Variants in RWDD4 observed in about 807,000 individuals in gnomAD.
RWDD4 encodes RWD domain containing 4.
Under a neutral mutation model 30.0 loss-of-function variants are expected in RWDD4, and 16 were observed. The ratio of observed to expected loss-of-function variants is 0.53; its 90% CI spans 0.36 to 0.81. The LOEUF (loss-of-function observed/expected upper bound fraction) is 0.81. Among genes scored for constraint, RWDD4 ranks in the 30% least tolerant of loss-of-function variants. The probability of loss-of-function intolerance (pLI) is 0.00; values close to 1 mark genes in which losing one functional copy is unlikely to be tolerated. For synonymous variants in RWDD4, 45 were observed against 72.1 expected (o/e 0.62, Z 1.90); for missense variants, 170 against 223.9 (o/e 0.76, Z 1.54).
intron 7 of RWDD4, among the ~76,000 whole-genome samples, chr4:183,644,370 C>T (rs1733925929): frequency 6.6e-6 from 1 of 152,192 alleles, no homozygotes; most frequent in Non-Finnish European, 1.5e-5. Flanking sequence ...AGTTAGGGCC[C>T]AACTCCCAGG....
At chr4:183,649,000 C>CAAA (rs1734020797) in intron 5 of RWDD4, among the ~76,000 whole-genome samples, 1 of 152,034 alleles carries the variant, frequency 6.6e-6, no homozygotes, top group Non-Finnish European at 1.5e-5. Context: ...ATATGTGACC[C>CAAA]AAAAGGTCAG....
At chr4:183,652,734 T>C (rs6817314) in intron 2 of RWDD4, among the ~76,000 whole-genome samples, 77,810 of 150,358 alleles carry the variant, frequency 0.52, 20,780 homozygotes, top group African/African-American at 0.64. Flanking sequence ...CGCTTGAATC[T>C]GGTAGGCAGA....
At chr4:183,647,643 T>A (rs1382125682) in intron 5 of RWDD4, among the ~76,000 whole-genome samples, 3 of 152,126 alleles carry the variant, frequency 2.0e-5, no homozygotes, top group Non-Finnish European at 4.4e-5. Flanking sequence ...TGATCACAGG[T>A]CATTATGTAT....
At chr4:183,655,552 G>A (rs1734176301) in intron 2 of RWDD4, among the ~76,000 whole-genome samples, 1 of 152,050 alleles carries the variant, frequency 6.6e-6, no homozygotes, top group African/African-American at 2.4e-5. Context: ...CCAAAGTGCT[G>A]GGATTACAGG....
intron 1 of RWDD4, among the ~76,000 whole-genome samples, chr4:183,658,670 C>T (rs1450562448): frequency 6.6e-6 from 1 of 152,244 alleles, no homozygotes; most frequent in African/African-American, 2.4e-5. Flanking sequence ...GCACCAAGGA[C>T]GCTCATCCCT....
chr4:183,642,984 G>A (rs1000723349), intron 7 of RWDD4, among the ~76,000 whole-genome samples: 15 of 151,074 alleles, frequency 9.9e-5, no homozygotes, highest in African/African-American at 1.5e-4. Flanking sequence ...GCGTGAACCC[G>A]GGAGGCGGAG....
intron 2 of RWDD4, 77 bp from the exon 3 acceptor site, chr4:183,651,404 T>G: frequency 9.2e-7 from 1 of 1,087,318 alleles, no homozygotes; most frequent in Non-Finnish European, 1.4e-6. Flanking sequence ...TTCAAAAGGG[T>G]GAATTCTTTC....
intron 1 of RWDD4, among the ~76,000 whole-genome samples, chr4:183,657,494 C>T (rs1734223343): frequency 6.6e-6 from 1 of 152,110 alleles, no homozygotes; most frequent in African/African-American, 2.4e-5. Context: ...CTTTGAAAAG[C>T]AAGCTAATGA....
At chr4:183,643,419 A>C (rs1245080635) in intron 7 of RWDD4, among the ~76,000 whole-genome samples, 2 of 67,524 alleles carry the variant, frequency 3.0e-5, no homozygotes, top group African/African-American at 1.1e-4. Flanking sequence ...CTATCTCAAA[A>C]AAAAAAAAAA....
intron 2 of RWDD4, 99 bp from the exon 3 acceptor site, chr4:183,651,426 C>G (rs935479079): frequency 2.3e-6 from 2 of 881,388 alleles, no homozygotes; most frequent in African/African-American, 3.4e-5. Context: ...AATACTCATG[C>G]TCAGATCAGA....
chr4:183,646,463 A>C, intron 6 of RWDD4, 25 bp downstream of exon 6: 1 of 1,606,586 alleles, frequency 6.2e-7, no homozygotes, highest in Non-Finnish European at 8.5e-7. Flanking sequence ...ACAAGTTTAA[A>C]GACTAGAATA....
intron 2 of RWDD4, among the ~76,000 whole-genome samples, chr4:183,653,194 A>G (rs1001736355): frequency 2.0e-5 from 3 of 152,196 alleles, no homozygotes; most frequent in African/African-American, 7.2e-5. Flanking sequence ...CAGAATCATC[A>G]CTGGTGACAC....
chr4:183,649,478 G>T lies in RWDD4; in HGVS notation c.454C>A (p.Gln152Lys). The part of the protein sequence containing the change: ...KDKKEQLSKA[Q>K]KRKLADKTDH... ...GTTTTGTCTGCCAGCTTACGCTTCT[G>T]GGCTTTTGAAAGTTGTTCTTTTTTG... Residue 152 changes from glutamine (Q) to lysine (K), a missense_variant, in exon 5 of 8, where the codon CAG becomes AAG. Physicochemically the swap from Gln to Lys is moderately conservative, Grantham distance 53. Coordinates refer to ENST00000326397, the MANE Select transcript of RWDD4 (RefSeq NM_152682.4). The T allele has an allele frequency of 6.2e-7, 1 of 1,611,140 alleles. No individual in the cohort carries two copies. The highest frequency in any genetic ancestry group is 8.5e-7 in the Non-Finnish European group (1 of 1,178,120).
In RWDD4 at chr4:183,640,976, TA is replaced by T. The variant is rs1561007264; in HGVS notation, c.*459del. 6.5e-6 allele frequency: 1 copy of T among 153,498 alleles called. No individual in the cohort carries two copies. Among genetic ancestry groups the T allele is most frequent in the Non-Finnish European group, 1.5e-5 (1 of 68,686 alleles). The allele number at this position is 153,498 out of a possible 1,614,324, so 9.5% of individuals were successfully genotyped here. ...TTCTCTGAAGTAATTTACGGTTCAG[TA>T]ATTAAGCAAAAGAAGAGATGAAGAC... On this transcript the variant is annotated 3_prime_UTR_variant, in exon 8 of 8. Transcript: ENST00000326397.
chr4:183,644,798 A>AGAAAT (rs1338759254), intron 7 of RWDD4, among the ~76,000 whole-genome samples: 2 of 151,566 alleles, frequency 1.3e-5, no homozygotes, highest in Non-Finnish European at 2.9e-5. Flanking sequence ...AGAAAAGAAA[A>AGAAAT]GAAAAGAAAA....
At chr4:183,657,352 C>T (rs904989862) in intron 1 of RWDD4, among the ~76,000 whole-genome samples, 28 of 152,240 alleles carry the variant, frequency 1.8e-4, no homozygotes, top group African/African-American at 6.3e-4. Context: ...TCCTTCTGTC[C>T]CTAATCCTTT....
rs557811602 is a variant in RWDD4, at chr4:183,644,074, T to A, written c.534+2277A>T. Among the ~76,000 whole-genome samples, 7 of 151,530 alleles carry A rather than the reference T, an allele frequency of 4.6e-5. No homozygotes were observed. In the South Asian group the frequency reaches 1.0e-3, roughly 23 times the overall value. On this transcript the variant is annotated intron_variant, in intron 7 of 7. Coordinates refer to ENST00000326397, the MANE Select transcript of RWDD4 (RefSeq NM_152682.4). The stretch of plus-strand genomic sequence containing the variant: ...TGGAGCTAGGGAAGGAGGAGCACTA[T>A]CAACACCTTTAGATCAGATTCTTTT...
intron 7 of RWDD4, among the ~76,000 whole-genome samples, chr4:183,643,115 TAAAAAAAA>T: frequency 1.8e-5 from 2 of 109,408 alleles, no homozygotes; most frequent in Non-Finnish European, 3.8e-5. Context: ...AAATAAAAAT[TAAAAAAAA>T]AAAAAAAAGA....
In RWDD4 at chr4:183,650,878, C is replaced by G. The variant is rs1734059370; in HGVS notation, c.363+106G>C. 8.8e-6 allele frequency: 10 copies of G among 1,139,636 alleles called. No individual in the cohort carries two copies. The South Asian group carries it at 1.8e-4, about 21-fold the overall frequency. 70.6% of individuals were successfully genotyped at this position (1,139,636 alleles called of 1,614,324 possible). ...AACTCAGGTGTAACTCTCACTTTAA[C>G]AAGTCTTCTTCCGATTTTGAATATA... On this transcript the variant is annotated intron_variant, in intron 4 of 7. Transcript: ENST00000326397.
Sources: allele counts gnomAD v4.1 joint callset (sites outside exome capture counted in the v4.1 genomes callset), GRCh38; gene constraint gnomAD v4.1.1; transcripts MANE v1.5; gene names NCBI Gene and HGNC (gene_info 2026-07-23, HGNC 2026-07-21).